The following DIS3L2 variants were observed in gnomAD, a reference collection of about 807,000 sequenced individuals.
DIS3L2 encodes the protein DIS3-like exonuclease 2.
In DIS3L2, 34 loss-of-function variants were observed where a neutral mutation model predicts 97.5. The ratio of observed to expected loss-of-function variants is 0.35; its 90% CI spans 0.27 to 0.46. The LOEUF (loss-of-function observed/expected upper bound fraction) is 0.46, where lower values mean the gene tolerates loss of function less well. Among genes scored for constraint, DIS3L2 ranks in the 20% least tolerant of loss-of-function variants. The pLI is 1.00. For missense variants in DIS3L2, 1,038 were observed against 1,146.0 expected, an observed-to-expected ratio of 0.91 and a Z score of 1.36; for synonymous variants, 435 against 445.2, an observed-to-expected ratio of 0.98 and a Z score of 0.29.
chr2:232,085,943 A>G (rs779514958), intron 5 of DIS3L2, among the ~76,000 whole-genome samples: 1 of 152,072 alleles, frequency 6.6e-6, no homozygotes, highest in East Asian at 1.9e-4. Flanking sequence ...AGTAGCTAGG[A>G]CTACAGGCGC....
At chr2:232,318,015 CT>C (rs1237245919) in intron 14 of DIS3L2, among the ~76,000 whole-genome samples, 2 of 152,202 alleles carry the variant, frequency 1.3e-5, no homozygotes, top group Non-Finnish European at 2.9e-5. Context: ...CCTTTCCCCC[CT>C]GACTTTAGCA....
At chr2:232,235,025 C>A (rs1692893273) in intron 10 of DIS3L2, among the ~76,000 whole-genome samples, 1 of 152,212 alleles carries the variant, frequency 6.6e-6, no homozygotes, top group Non-Finnish European at 1.5e-5. Flanking sequence ...CTGAATCCCG[C>A]TTTATAATCT....
At chr2:232,335,022 T>C (rs1281481862) in intron 19 of DIS3L2, 4 of 388,630 alleles carry the variant, frequency 1.0e-5, no homozygotes, top group East Asian at 1.0e-4. Flanking sequence ...ACTGTGTTTA[T>C]AGGAACGTGA....
chr2:232,086,611 G>GTATA (rs1445271893), intron 5 of DIS3L2, among the ~76,000 whole-genome samples: 5,467 of 57,924 alleles, frequency 0.094, 637 homozygotes, highest in African/African-American at 0.29. Flanking sequence ...ATGTGTGTGT[G>GTATA]TGTATATATA....
downstream of DIS3L2, chr2:232,340,807 C>G (rs1696086261): frequency 2.1e-6 from 1 of 471,368 alleles, no homozygotes; most frequent in Admixed American, 2.3e-5. Flanking sequence ...CTGCAAGCCC[C>G]TTGGTGTGCT....
chr2:232,331,094 C>A (rs1392920221), intron 16 of DIS3L2, among the ~76,000 whole-genome samples: 1 of 152,242 alleles, frequency 6.6e-6, no homozygotes, highest in Non-Finnish European at 1.5e-5. Context: ...GACAGGGTCC[C>A]ATGTGGTTTC....
intron 1 of DIS3L2, among the ~76,000 whole-genome samples, chr2:231,965,447 C>CTTTT (rs36010857): frequency 1.4e-5 from 2 of 140,466 alleles, no homozygotes; most frequent in East Asian, 4.1e-4. Flanking sequence ...TCTGAATTGA[C>CTTTT]TTTTTTTTTT....
At chr2:232,153,991 G>A (rs1205705921) in intron 8 of DIS3L2, among the ~76,000 whole-genome samples, 4 of 142,878 alleles carry the variant, frequency 2.8e-5, no homozygotes, top group African/African-American at 5.3e-5. Flanking sequence ...CCAGTTGATC[G>A]CATCGGCTCC....
intron 9 of DIS3L2, among the ~76,000 whole-genome samples, chr2:232,172,429 A>G (rs749900344): frequency 2.6e-5 from 4 of 152,224 alleles, no homozygotes; most frequent in Non-Finnish European, 5.9e-5. Context: ...TTTACTTGAC[A>G]TAATGTTTTC....
At chr2:232,135,786 G>T (rs967829744) in intron 7 of DIS3L2, among the ~76,000 whole-genome samples, 1 of 152,092 alleles carries the variant, frequency 6.6e-6, no homozygotes, top group African/African-American at 2.4e-5. Context: ...GGTCTGGTGG[G>T]ATGTCGGCAA....
intron 6 of DIS3L2, among the ~76,000 whole-genome samples, chr2:232,117,872 AG>A (rs1386145728): frequency 7.2e-4 from 110 of 152,370 alleles, no homozygotes; most frequent in African/African-American, 2.4e-3. Flanking sequence ...TGTAACAAAT[AG>A]CCACAAACTT....
Position 232,231,582 on chromosome 2 carries a change from G to A in DIS3L2, c.1205-6951G>A, listed in dbSNP as rs576033158. ...AATAATTGCCACTTTACCTGAGGACGTAGTGGGCTTCACCAGACAGCAGTG... is the reference window on the plus strand; with the variant it reads ...AATAATTGCCACTTTACCTGAGGACATAGTGGGCTTCACCAGACAGCAGTG... On this transcript the variant is annotated intron_variant, in intron 10 of 20. Transcript: ENST00000325385. 5.3e-5 allele frequency among the ~76,000 whole-genome samples: 8 copies of A among 152,368 alleles called. No homozygotes were observed. In the South Asian group the frequency reaches 1.0e-3, roughly 20 times the overall value.
At chr2:232,218,183 A>T (rs1692395227) in intron 10 of DIS3L2, among the ~76,000 whole-genome samples, 1 of 152,204 alleles carries the variant, frequency 6.6e-6, no homozygotes, top group Non-Finnish European at 1.5e-5. Context: ...GCTCTCCAAC[A>T]TTTTAACAAA....
chr2:232,207,182 A>T (rs938202627), intron 9 of DIS3L2, among the ~76,000 whole-genome samples: 4 of 152,312 alleles, frequency 2.6e-5, no homozygotes, highest in Middle Eastern at 3.4e-3. Flanking sequence ...CTGACTTTTT[A>T]GTTTCAGTTA....
At chr2:232,045,078 G>A (rs946572814) in intron 5 of DIS3L2, among the ~76,000 whole-genome samples, 1 of 152,162 alleles carries the variant, frequency 6.6e-6, no homozygotes, top group African/African-American at 2.4e-5. Flanking sequence ...GGTGTCATGG[G>A]AGTGTGCAAT....
At chr2:232,176,763 TA>T (rs1217018810) in intron 9 of DIS3L2, among the ~76,000 whole-genome samples, 2 of 140,674 alleles carry the variant, frequency 1.4e-5, no homozygotes, top group East Asian at 2.0e-4. Context: ...TATTTTTTTT[TA>T]ATTTTTTAAT....
At chr2:232,013,902 G>C (rs1574811418) in intron 1 of DIS3L2, among the ~76,000 whole-genome samples, 2 of 152,226 alleles carry the variant, frequency 1.3e-5, no homozygotes, top group South Asian at 4.1e-4. Flanking sequence ...TGCTGAGTTA[G>C]TATTAATTTC....
rs1259012350 is a variant in DIS3L2 at position 232,268,139 on chromosome 2, C to A, written c.1659+4699C>A. ...GGTGGTTAGGTGATGTGAGCAGTTCCTTCTGGGTCACTGACTTTGGGAATT... is the reference window on the plus strand; with the variant it reads ...GGTGGTTAGGTGATGTGAGCAGTTCATTCTGGGTCACTGACTTTGGGAATT... On this transcript the variant is annotated intron_variant, in intron 13 of 20. Coordinates refer to ENST00000325385, the MANE Select transcript of DIS3L2 (RefSeq NM_152383.5). The surrounding 1 kb of genome is among the most constrained non-coding windows in gnomAD (Gnocchi z 4.1). 6.6e-6 allele frequency among the ~76,000 whole-genome samples: 1 copy of A among 152,160 alleles called. No homozygotes were observed. Among genetic ancestry groups the A allele is most frequent in the African/African-American group, 2.4e-5 (1 of 41,432 alleles).
intron 14 of DIS3L2, among the ~76,000 whole-genome samples, chr2:232,309,348 G>A (rs371308654): frequency 6.6e-6 from 1 of 152,148 alleles, no homozygotes; most frequent in South Asian, 2.1e-4. Flanking sequence ...ATTGGATGTT[G>A]AGAAACATAT....
Sources: gnomAD v4.1 joint callset for allele counts (sites outside exome capture counted in the v4.1 genomes callset) on GRCh38, gnomAD v4.1.1 for gene constraint, Gnocchi (gnomAD v3.1) non-coding constraint, MANE v1.5 for transcripts, NCBI Gene and HGNC (gene_info 2026-07-23, HGNC 2026-07-21) for gene names.